Variants in PCGF5 observed in about 807,000 individuals in gnomAD.
PCGF5 encodes polycomb group ring finger 5, also known as polycomb group RING finger protein 5.
PCGF5 carries 9 observed loss-of-function variants against 44.3 expected under a neutral mutation model. That is an observed-to-expected ratio of 0.20 (90% CI 0.12 to 0.35). The LOEUF is 0.35. Among genes scored for constraint, PCGF5 ranks in the 10% least tolerant of loss-of-function variants. PCGF5 has a pLI of 1.00. For missense variants in PCGF5, 146 were observed against 305.3 expected (o/e 0.48, Z 3.89); for synonymous variants, 95 against 102.5 (o/e 0.93, Z 0.44).
In PCGF5 at chr10:91,240,485, C is replaced by T; in HGVS notation, c.114C>T (p.Phe38=). The T allele has an allele frequency of 1.2e-6, 2 of 1,602,728 alleles. No homozygotes were observed. The highest frequency in any genetic ancestry group is 1.1e-5 in the South Asian group (1 of 89,340). ...ACCTAACATCTTCTTTCTTCTTAGT[C>T]TGTAAGACTTGTATTGTTCAGCACT... is the stretch of plus-strand genomic sequence containing the variant. ...PTTVTECLHT[F]CKTCIVQHFE... Residue 38 remains phenylalanine, a splice_region_variant and synonymous_variant, in exon 3 of 10, where the codon TTC becomes TTT. Coordinates refer to ENST00000336126, the MANE Select transcript of PCGF5 (RefSeq NM_032373.5).
intron 1 of PCGF5, among the ~76,000 whole-genome samples, chr10:91,214,921 C>A (rs886728762): frequency 6.6e-6 from 1 of 152,182 alleles, no homozygotes; most frequent in Non-Finnish European, 1.5e-5. Context: ...GTTCTTATTA[C>A]AGAAAGTCTT....
chr10:91,273,012 A>T (rs1461224924), intron 9 of PCGF5, among the ~76,000 whole-genome samples: 1 of 152,240 alleles, frequency 6.6e-6, no homozygotes, highest in African/African-American at 2.4e-5. Context: ...TTAGCAGTTT[A>T]TCTAGAATTT....
chr10:91,161,032 G>A (rs2133145381), upstream of PCGF5, among the ~76,000 whole-genome samples: 1 of 152,344 alleles, frequency 6.6e-6, no homozygotes, highest in African/African-American at 2.4e-5. Context: ...TGGGCTTGGA[G>A]GGTGGGAGGC....
chr10:91,247,616 T>A (rs952127600), intron 3 of PCGF5, among the ~76,000 whole-genome samples: 6 of 151,082 alleles, frequency 4.0e-5, no homozygotes, highest in African/African-American at 1.5e-4. Flanking sequence ...GGCAAGAGAA[T>A]GGGATTGAAG....
intron 8 of PCGF5, among the ~76,000 whole-genome samples, chr10:91,265,902 G>C (rs1196054520): frequency 6.6e-6 from 1 of 152,134 alleles, no homozygotes; most frequent in Non-Finnish European, 1.5e-5. Context: ...AATAGTGTGT[G>C]GCCTTGAAGA....
At chr10:91,266,043 G>T (rs779840557) in intron 8 of PCGF5, among the ~76,000 whole-genome samples, 5 of 152,120 alleles carry the variant, frequency 3.3e-5, no homozygotes, top group Admixed American at 6.5e-5. Context: ...ATCACCCTCA[G>T]TTAATCCTTA....
At chr10:91,258,157 CTG>C (rs1845804627) in intron 6 of PCGF5, among the ~76,000 whole-genome samples, 2 of 152,126 alleles carry the variant, frequency 1.3e-5, no homozygotes, top group Admixed American at 6.6e-5. Context: ...TGCGGAGTGA[CTG>C]TGAATAGATT....
At chr10:91,208,352 A>C (rs1589368981) in intron 1 of PCGF5, among the ~76,000 whole-genome samples, 1 of 152,086 alleles carries the variant, frequency 6.6e-6, no homozygotes, top group East Asian at 1.9e-4. Flanking sequence ...AACTGCACTG[A>C]TCCTTGGCAT....
At chr10:91,228,683 A>C (rs554755707) in intron 2 of PCGF5, among the ~76,000 whole-genome samples, 86 of 152,356 alleles carry the variant, frequency 5.6e-4, no homozygotes, top group African/African-American at 2.0e-3. Context: ...CAAATATCAT[A>C]AATATACAAG....
At chr10:91,262,801 G>A (rs954504200) in intron 7 of PCGF5, among the ~76,000 whole-genome samples, 4 of 152,154 alleles carry the variant, frequency 2.6e-5, no homozygotes, top group African/African-American at 9.6e-5. Context: ...TAGTAACAAT[G>A]TATGGATACA....
intron 7 of PCGF5, among the ~76,000 whole-genome samples, chr10:91,263,860 C>T (rs1203709260): frequency 6.6e-6 from 1 of 152,122 alleles, no homozygotes; most frequent in Non-Finnish European, 1.5e-5. Flanking sequence ...GTGGCATAGT[C>T]GTAACTTTTG....
intron 8 of PCGF5, among the ~76,000 whole-genome samples, chr10:91,264,846 T>A (rs369730900): frequency 1.1e-4 from 16 of 152,138 alleles, no homozygotes; most frequent in African/African-American, 3.6e-4. Context: ...GGAATGGGAG[T>A]GGGGGAAACT....
chr10:91,275,718 G>C (rs1448354111), intron 9 of PCGF5, among the ~76,000 whole-genome samples: 1 of 151,244 alleles, frequency 6.6e-6, no homozygotes, highest in Non-Finnish European at 1.5e-5. Flanking sequence ...CTCCCAAAGT[G>C]CTGGGATTAC....
Position 91,231,927 on chromosome 10 carries a change from C to T in PCGF5, c.113-8557C>T, listed in dbSNP as rs1462548748. Among the ~76,000 whole-genome samples the T allele has an allele frequency of 6.6e-5, 10 of 152,072 alleles. No homozygotes were observed. The East Asian group carries it at 1.3e-3, about 20-fold the overall frequency. On this transcript the variant is annotated intron_variant, in intron 2 of 9. Coordinates refer to ENST00000336126, the MANE Select transcript of PCGF5 (RefSeq NM_032373.5). ...TTGTATGTGGGTCATGAAAAGAAAA[C>T]GGAATGTAAGTTATAACATATTCAA...
chr10:91,263,349 G>A (rs1845971268), intron 7 of PCGF5, among the ~76,000 whole-genome samples: 1 of 152,182 alleles, frequency 6.6e-6, no homozygotes, highest in East Asian at 1.9e-4. Context: ...TCTTTCAAAA[G>A]TTAATAAAAT....
intron 1 of PCGF5, among the ~76,000 whole-genome samples, chr10:91,201,116 A>G (rs1408970536): frequency 6.6e-6 from 1 of 152,184 alleles, no homozygotes; most frequent in Non-Finnish European, 1.5e-5. Context: ...GAGCTGTCTT[A>G]GTTTGTTTTC....
At chr10:91,255,087 G>C (rs1459338583) in intron 6 of PCGF5, among the ~76,000 whole-genome samples, 1 of 152,014 alleles carries the variant, frequency 6.6e-6, no homozygotes, top group Non-Finnish European at 1.5e-5. Flanking sequence ...GACTTGTCTG[G>C]TTGTTTCCTC....
intron 1 of PCGF5, among the ~76,000 whole-genome samples, chr10:91,213,593 T>G (rs1844490738): frequency 6.6e-6 from 1 of 152,036 alleles, no homozygotes; most frequent in Non-Finnish European, 1.5e-5. Flanking sequence ...GCCTCCCGAG[T>G]AGCTGGGATT....
chr10:91,261,979 T>A (rs1402656308), intron 7 of PCGF5, among the ~76,000 whole-genome samples: 4 of 152,258 alleles, frequency 2.6e-5, no homozygotes, highest in African/African-American at 9.6e-5. Flanking sequence ...GCATAGCTTT[T>A]CATGTGTTCC....
Sources: gnomAD v4.1 joint callset for allele counts (sites outside exome capture counted in the v4.1 genomes callset) on GRCh38, gnomAD v4.1.1 for gene constraint, MANE v1.5 for transcripts, NCBI Gene and HGNC (gene_info 2026-07-23, HGNC 2026-07-21) for gene names.